TMSB15B: variants seen among roughly 807,000 people sequenced by gnomAD.
TMSB15B encodes the protein thymosin beta-15B.
At chrX:103,951,304 T>C (rs181887363) in intron 1 of TMSB15B, among the ~76,000 whole-genome samples, 135 of 111,796 alleles carry the variant, frequency 1.2e-3, no homozygotes, top group African/African-American at 3.9e-3. Context: ...GAAGACCATG[T>C]GTATGGATGC....
At chrX:103,923,042 A>T (rs1312257541) in intron 1 of TMSB15B, among the ~76,000 whole-genome samples, 4 of 111,550 alleles carry the variant, frequency 3.6e-5, no homozygotes, top group Non-Finnish European at 7.5e-5. Context: ...CCACTTTTTG[A>T]TGGGGTTGTT....
intron 1 of TMSB15B, among the ~76,000 whole-genome samples, chrX:103,929,534 TC>T (rs2074978653): frequency 9.0e-6 from 1 of 111,597 alleles, no homozygotes; most frequent in African/African-American, 3.3e-5. Flanking sequence ...AGGCTGTGGG[TC>T]CTACTTTCAG....
chrX:103,931,662 A>C (rs1374031456), intron 1 of TMSB15B: 1 of 112,562 alleles, frequency 8.9e-6, no homozygotes, highest in Non-Finnish European at 1.9e-5. Flanking sequence ...TGAAATATAT[A>C]TTTGCTCTTC....
intron 1 of TMSB15B, among the ~76,000 whole-genome samples, chrX:103,924,413 A>G (rs1400437052): frequency 8.9e-6 from 1 of 111,813 alleles, no homozygotes; most frequent in Non-Finnish European, 1.9e-5. Context: ...ACTGTGTCAT[A>G]TGCCCCTTCT....
At chrX:103,935,937 C>T (rs1362390037) in intron 1 of TMSB15B, among the ~76,000 whole-genome samples, 4 of 104,393 alleles carry the variant, frequency 3.8e-5, no homozygotes, top group African/African-American at 1.4e-4. Flanking sequence ...ACCTCTGCCT[C>T]CCAGGTTCAA....
chrX:103,923,749 G>T (rs1219684218), intron 1 of TMSB15B, among the ~76,000 whole-genome samples: 5 of 111,559 alleles, frequency 4.5e-5, no homozygotes, highest in Non-Finnish European at 9.4e-5. Flanking sequence ...GAAGGTCATT[G>T]GTAGCTTGAT....
chrX:103,944,881 C>A (rs782301765), intron 1 of TMSB15B, among the ~76,000 whole-genome samples: 1 of 111,940 alleles, frequency 8.9e-6, no homozygotes, highest in Non-Finnish European at 1.9e-5. Flanking sequence ...TGGGTTCAAG[C>A]GATTCTCCTG....
intron 1 of TMSB15B, chrX:103,931,819 A>T (rs1556319994): frequency 8.9e-6 from 1 of 111,754 alleles, no homozygotes; most frequent in African/African-American, 3.3e-5. Context: ...GCGCCATTAG[A>T]GGGTTGGGAC....
At position 103,928,578 on chromosome X, in the gene TMSB15B, C is replaced by A. The variant is rs1390349566; in HGVS notation, c.-721+9286C>A. 3.4e-6 allele frequency: 4 copies of A among 1,175,097 alleles called. No individual in the cohort carries two copies. In the African/African-American group the frequency reaches 7.1e-5, roughly 21 times the overall value. On this transcript the variant is annotated intron_variant, in intron 1 of 3. Coordinates refer to the TMSB15B transcript ENST00000419165. Reference sequence around the variant, plus strand: ...GCACCTTCAGCATTCTTGAGGAATTCAATTCTTATGGGCTTTGGGGGCGGC... The same window carrying A: ...GCACCTTCAGCATTCTTGAGGAATTAAATTCTTATGGGCTTTGGGGGCGGC...
Position 103,944,551 on chromosome X carries a change from T to C in TMSB15B, c.-720-17470T>C, listed in dbSNP as rs782512225. On this transcript the variant is annotated intron_variant, in intron 1 of 3. Transcript: ENST00000419165. ...AACTTTTATTTCCTGGAGGACATAG[T>C]AGCTGGGTTTGGGAAGATAGTTTGG... 1.1e-3 allele frequency among the ~76,000 whole-genome samples: 128 copies of C among 111,810 alleles called. 1 individual carries two copies. Among genetic ancestry groups the C allele is most frequent in the Admixed American group, 9.6e-3 (101 of 10,547 alleles).
At chrX:103,941,545 C>G (rs1432727833) in intron 1 of TMSB15B, among the ~76,000 whole-genome samples, 3 of 111,647 alleles carry the variant, frequency 2.7e-5, no homozygotes, top group African/African-American at 9.8e-5. Flanking sequence ...TGATAATGGT[C>G]ATTTTAACTG....
chrX:103,926,959 C>T (rs1283757569), intron 1 of TMSB15B, among the ~76,000 whole-genome samples: 2 of 110,674 alleles, frequency 1.8e-5, no homozygotes, highest in East Asian at 5.7e-4. Flanking sequence ...CTGCTGCACC[C>T]CCTGTCTCGT....
chrX:103,935,303 T>C (rs1346925118), intron 1 of TMSB15B, among the ~76,000 whole-genome samples: 30 of 112,273 alleles, frequency 2.7e-4, no homozygotes, highest in African/African-American at 9.1e-4. Context: ...GCCTGTTCTC[T>C]TGGATGAGAG....
intron 1 of TMSB15B, among the ~76,000 whole-genome samples, chrX:103,923,811 G>C (rs1423945904): frequency 3.6e-5 from 4 of 111,506 alleles, no homozygotes; most frequent in African/African-American, 1.3e-4. Flanking sequence ...CCATTTTCAA[G>C]ATATTGATTC....
chrX:103,941,975 CTT>C (rs1184626693), intron 1 of TMSB15B, among the ~76,000 whole-genome samples: 1 of 111,907 alleles, frequency 8.9e-6, no homozygotes, highest in African/African-American at 3.2e-5. Flanking sequence ...AGTTGTGTAA[CTT>C]TTTCAAATTA....
At chrX:103,920,899 G>A (rs1205638096) in intron 1 of TMSB15B, among the ~76,000 whole-genome samples, 1 of 112,325 alleles carries the variant, frequency 8.9e-6, no homozygotes, top group Non-Finnish European at 1.9e-5. Flanking sequence ...GGCCATGAAG[G>A]CAGTGGCTGG....
chrX:103,932,197 C>A (rs782297740), intron 1 of TMSB15B: 2 of 112,222 alleles, frequency 1.8e-5, no homozygotes, highest in South Asian at 7.4e-4. Flanking sequence ...AAACTTGAAG[C>A]CCATCTGTCA....
chrX:103,924,800 T>C (rs782701815), intron 1 of TMSB15B, among the ~76,000 whole-genome samples: 1 of 111,570 alleles, frequency 9.0e-6, no homozygotes, highest in South Asian at 3.9e-4. Flanking sequence ...GGGCTCATTT[T>C]ACTAGGCTGT....
chrX:103,928,023 A>G (rs2074973728), intron 1 of TMSB15B: 6 of 600,393 alleles, frequency 1.0e-5, no homozygotes, highest in Non-Finnish European at 1.5e-5. Context: ...TTGCCAACGG[A>G]ATTAATTGGT....
Sources: gnomAD v4.1 joint callset for allele counts (sites outside exome capture counted in the v4.1 genomes callset) on GRCh38, gnomAD v4.1.1 for gene constraint, MANE v1.5 for transcripts, NCBI Gene and HGNC (gene_info 2026-07-23, HGNC 2026-07-21) for gene names.